SGK3: variants seen among roughly 807,000 people sequenced by gnomAD.
SGK3 encodes serum/glucocorticoid regulated kinase family member 3, also known as serine/threonine-protein kinase Sgk3.
Under a neutral mutation model 68.5 loss-of-function variants are expected in SGK3, and 47 were observed. The ratio of observed to expected loss-of-function variants is 0.69; its 90% confidence interval spans 0.54 to 0.87. The LOEUF is 0.87. SGK3 is among the 40% of genes least tolerant of loss of function. SGK3 has a pLI of 0.00. For missense variants in SGK3, 479 were observed against 575.5 expected (o/e 0.83, Z 1.72); for synonymous variants, 181 against 189.1 (o/e 0.96, Z 0.35).
chr8:66,826,018 G>A (rs1809039111), intron 6 of SGK3, among the ~76,000 whole-genome samples: 1 of 151,600 alleles, frequency 6.6e-6, no homozygotes, highest in African/African-American at 2.4e-5. Flanking sequence ...TGTTGCCCAT[G>A]CTGGAATGCA....
intron 14 of SGK3, 148 bp from the exon 15 acceptor site, chr8:66,847,045 T>C (rs1301898820): frequency 8.8e-7 from 1 of 1,135,196 alleles, no homozygotes; most frequent in African/African-American, 1.6e-5. Context: ...TCTCTTTGCT[T>C]CAGGAAGCCA....
chr8:66,836,928 C>G (rs768432680), intron 10 of SGK3, among the ~76,000 whole-genome samples: 19 of 151,986 alleles, frequency 1.3e-4, no homozygotes, highest in Non-Finnish European at 2.4e-4. Context: ...TTCAACCAAT[C>G]TCTTAAGTAT....
At chr8:66,781,671 T>A (rs1451932333) in intron 1 of SGK3, among the ~76,000 whole-genome samples, 5 of 152,270 alleles carry the variant, frequency 3.3e-5, no homozygotes, top group Non-Finnish European at 7.3e-5. Context: ...AAGTTGTTGG[T>A]GCACAACACT....
rs527556639 is a variant in SGK3 at position 66,830,447 on chromosome 8, G to A, written c.468-807G>A. On this transcript the variant is annotated intron_variant, in intron 7 of 16. Transcript: ENST00000521198. ...GTTTTACTCTCATGTTTGAATTAAC[G>A]ATTTTTTGATGATTAAGCAAATTTC... Among the ~76,000 whole-genome samples the A allele has an allele frequency of 7.9e-5, 12 of 152,236 alleles. No homozygotes were observed. In the South Asian group the frequency reaches 1.9e-3, roughly 24 times the overall value.
At chr8:66,840,990 C>T in intron 12 of SGK3, 34 bp from the exon 13 acceptor site, 1 of 1,400,718 alleles carries the variant, frequency 7.1e-7, no homozygotes, top group Non-Finnish European at 9.7e-7. Flanking sequence ...CATATTTATG[C>T]ATTGTTTTAT....
chr8:66,797,445 G>A, intron 2 of SGK3, among the ~76,000 whole-genome samples: 1 of 152,072 alleles, frequency 6.6e-6, no homozygotes, highest in African/African-American at 2.4e-5. Flanking sequence ...AGCTTCCTCT[G>A]AGACAACCAG....
chr8:66,801,648 CCT>C, intron 3 of SGK3, among the ~76,000 whole-genome samples: 1 of 150,232 alleles, frequency 6.7e-6, no homozygotes, highest in East Asian at 1.9e-4. Flanking sequence ...TCTTTCTTTC[CCT>C]CTCTCTTTCT....
intron 1 of SGK3, among the ~76,000 whole-genome samples, chr8:66,757,997 A>ATACACACACAC (rs1806037744): frequency 7.0e-6 from 1 of 143,086 alleles, no homozygotes; most frequent in African/African-American, 2.8e-5. Context: ...ATGTATATAT[A>ATACACACACAC]TACACACACA....
At chr8:66,748,176 T>G (rs947295453) in intron 1 of SGK3, among the ~76,000 whole-genome samples, 1 of 152,218 alleles carries the variant, frequency 6.6e-6, no homozygotes, top group Non-Finnish European at 1.5e-5. Context: ...ACTCAGGATG[T>G]TCTGCTGAGT....
At chr8:66,850,245 C>A (rs550589938) in intron 15 of SGK3, among the ~76,000 whole-genome samples, 2 of 152,284 alleles carry the variant, frequency 1.3e-5, no homozygotes, top group South Asian at 4.1e-4. Flanking sequence ...TCTAAGAAGT[C>A]TTTTTTAACC....
chr8:66,764,360 G>A (rs1806255946), intron 1 of SGK3, among the ~76,000 whole-genome samples: 1 of 151,996 alleles, frequency 6.6e-6, no homozygotes, highest in Admixed American at 6.6e-5. Flanking sequence ...TTTTGGGAAG[G>A]AACCATGTTA....
intron 8 of SGK3, among the ~76,000 whole-genome samples, chr8:66,835,159 A>G (rs7820537): frequency 0.02 from 3,059 of 152,206 alleles, 89 homozygotes; most frequent in African/African-American, 0.068. Context: ...AGTCCCAGCT[A>G]TTTGGAAGAC....
At chr8:66,719,538 C>T (rs942177736) in intron 1 of SGK3, among the ~76,000 whole-genome samples, 1 of 152,204 alleles carries the variant, frequency 6.6e-6, no homozygotes, top group Non-Finnish European at 1.5e-5. Flanking sequence ...AGACTGGTCT[C>T]GAACCCCTGG....
At chr8:66,760,179 C>T (rs928499378) in intron 1 of SGK3, among the ~76,000 whole-genome samples, 3 of 152,048 alleles carry the variant, frequency 2.0e-5, no homozygotes, top group African/African-American at 7.2e-5. Flanking sequence ...AAAAATTTCT[C>T]AGTGGAGGAG....
chr8:66,714,126 A>C (rs939842239), intron 1 of SGK3, among the ~76,000 whole-genome samples: 3 of 152,180 alleles, frequency 2.0e-5, no homozygotes, highest in Non-Finnish European at 4.4e-5. Context: ...TTTGTTCCTG[A>C]TCTGTTCGAC....
chr8:66,838,280 G>C (rs1478715343), intron 10 of SGK3, among the ~76,000 whole-genome samples: 1 of 152,076 alleles, frequency 6.6e-6, no homozygotes. Flanking sequence ...TGGCCAGGGT[G>C]GTCTCAAACT....
At chr8:66,797,316 T>C (rs1339897726) in intron 2 of SGK3, among the ~76,000 whole-genome samples, 1 of 152,242 alleles carries the variant, frequency 6.6e-6, no homozygotes, top group East Asian at 1.9e-4. Context: ...CCGTGTGAGA[T>C]AATCTCTTGT....
intron 4 of SGK3, among the ~76,000 whole-genome samples, chr8:66,806,064 C>T (rs1585743473): frequency 6.6e-6 from 1 of 152,206 alleles, no homozygotes; most frequent in Non-Finnish European, 1.5e-5. Flanking sequence ...ACATTTTTTC[C>T]CCAGAGGCTG....
intron 1 of SGK3, chr8:66,767,514 A>G: frequency 6.6e-7 from 1 of 1,511,732 alleles, no homozygotes; most frequent in Non-Finnish European, 9.2e-7. Context: ...TCAAAGGTGA[A>G]GGGGGGCCCA....
Sources: gnomAD v4.1 joint callset for allele counts (sites outside exome capture counted in the v4.1 genomes callset) on GRCh38, gnomAD v4.1.1 for gene constraint, MANE v1.5 for transcripts, NCBI Gene and HGNC (gene_info 2026-07-23, HGNC 2026-07-21) for gene names.